RSU1: variants seen among roughly 807,000 people sequenced by gnomAD.
The protein encoded by RSU1 is rsu-1.
A neutral mutation model predicts 31.1 loss-of-function variants in RSU1; 26 were observed. The observed-to-expected ratio is 0.84, with a 90% CI of 0.61 to 1.16. The LOEUF is 1.16. RSU1 is among the 50% of genes most tolerant of loss of function. The pLI, the probability that RSU1 is intolerant of heterozygous loss-of-function variation, is 0.00. For synonymous variants in RSU1, 164 were observed against 136.3 expected, an observed-to-expected ratio of 1.20 and a Z score of -1.41; for missense variants, 320 against 339.1, an observed-to-expected ratio of 0.94 and a Z score of 0.44.
At chr10:16,636,019 GT>G (rs1834338752) in intron 8 of RSU1, among the ~76,000 whole-genome samples, 1 of 152,192 alleles carries the variant, frequency 6.6e-6, no homozygotes, top group Admixed American at 6.5e-5. Context: ...CTCCTCCTCA[GT>G]TTCCTGTGCT....
At chr10:16,739,505 C>G (rs1836710554) in intron 7 of RSU1, among the ~76,000 whole-genome samples, 1 of 122,126 alleles carries the variant, frequency 8.2e-6, no homozygotes, top group Non-Finnish European at 1.6e-5. Flanking sequence ...GAGTCTCGCT[C>G]TGTCGCCCAG....
intron 8 of RSU1, among the ~76,000 whole-genome samples, chr10:16,613,580 G>C (rs1179507347): frequency 6.6e-6 from 1 of 152,160 alleles, no homozygotes; most frequent in Admixed American, 6.5e-5. Context: ...AAATGACACT[G>C]GCAGACATCA....
intron 8 of RSU1, among the ~76,000 whole-genome samples, chr10:16,645,921 TG>T (rs1834542984): frequency 7.7e-5 from 2 of 26,024 alleles, no homozygotes; most frequent in African/African-American, 2.9e-4. Flanking sequence ...TATATATATG[TG>T]TATATACACA....
chr10:16,733,469 C>T (rs11812320), intron 7 of RSU1, among the ~76,000 whole-genome samples: 17,643 of 151,948 alleles, frequency 0.12, 2,532 homozygotes, highest in African/African-American at 0.34. Flanking sequence ...CATCACACCA[C>T]TGCACTCCAG....
chr10:16,624,961 T>C (rs1434817265), intron 8 of RSU1, among the ~76,000 whole-genome samples: 1 of 152,194 alleles, frequency 6.6e-6, no homozygotes, highest in African/African-American at 2.4e-5. Context: ...AACTCTAAAA[T>C]AAAGACCCAC....
At chr10:16,769,316 A>C (rs568627037) in intron 3 of RSU1, among the ~76,000 whole-genome samples, 1 of 152,388 alleles carries the variant, frequency 6.6e-6, no homozygotes, top group Non-Finnish European at 1.5e-5. Flanking sequence ...CACTAGTTAT[A>C]TGCAGCTGTT....
chr10:16,770,819 C>A (rs749308786), intron 3 of RSU1, among the ~76,000 whole-genome samples: 2 of 152,258 alleles, frequency 1.3e-5, no homozygotes, highest in Non-Finnish European at 2.9e-5. Flanking sequence ...GGCAACGCTA[C>A]TGTCTCGTGC....
intron 2 of RSU1, 105 bp from the exon 3 acceptor site, chr10:16,782,189 T>G (rs1355960867): frequency 4.8e-6 from 4 of 829,056 alleles, no homozygotes; most frequent in Non-Finnish European, 7.8e-6. Context: ...TTTCACAGGT[T>G]GAAGCACTAT....
chr10:16,737,228 G>A (rs1415284202), intron 7 of RSU1, among the ~76,000 whole-genome samples: 1 of 151,784 alleles, frequency 6.6e-6, no homozygotes, highest in African/African-American at 2.4e-5. Context: ...TTTAAAAAAT[G>A]GCTGAAAATT....
At chr10:16,757,317 A>G (rs1239805375) in intron 4 of RSU1, among the ~76,000 whole-genome samples, 1 of 152,138 alleles carries the variant, frequency 6.6e-6, no homozygotes, top group Non-Finnish European at 1.5e-5. Flanking sequence ...AAATCATTCT[A>G]GCCATCGATC....
At chr10:16,638,354 C>T (rs1355132705) in intron 8 of RSU1, among the ~76,000 whole-genome samples, 1 of 152,142 alleles carries the variant, frequency 6.6e-6, no homozygotes, top group Non-Finnish European at 1.5e-5. Context: ...TTACGCAGAT[C>T]ATCCCCGCCA....
intron 8 of RSU1, among the ~76,000 whole-genome samples, chr10:16,645,931 CATATGTGTAT>C (rs1564298315): frequency 5.1e-4 from 8 of 15,618 alleles, no homozygotes; most frequent in East Asian, 1.0e-3. Context: ...TGTATATACA[CATATGTGTAT>C]ATATATGTGT....
At chr10:16,772,641 G>GAAAAAAAAAAAAAA (rs60460081) in intron 3 of RSU1, among the ~76,000 whole-genome samples, 57 of 64,614 alleles carry the variant, frequency 8.8e-4, no homozygotes, top group African/African-American at 1.1e-3. Context: ...AGTAGAATAT[G>GAAAAAAAAAAAAAA]AAAAAAAAAA....
At chr10:16,690,273 C>G (rs1361390080) in intron 8 of RSU1, among the ~76,000 whole-genome samples, 1 of 152,130 alleles carries the variant, frequency 6.6e-6, no homozygotes, top group Non-Finnish European at 1.5e-5. Context: ...TATAACTCAG[C>G]GACAGTTTAA....
rs558255494 is a variant in RSU1 at position 16,750,524 on chromosome 10, T to A, written c.598+2015A>T. ...TGAGTAAGATTTTAAAATATATACA[T>A]AGGCATGCGTAGGTTCAACTAGACA... On this transcript the variant is annotated intron_variant, in intron 7 of 8. Coordinates refer to ENST00000345264, the MANE Select transcript of RSU1 (RefSeq NM_012425.4). Among the ~76,000 whole-genome samples the A allele has an allele frequency of 4.6e-5, 7 of 152,322 alleles. No homozygotes were observed. In the East Asian group the frequency reaches 1.4e-3, roughly 29 times the overall value.
chr10:16,690,423 C>A (rs899732327), intron 8 of RSU1, among the ~76,000 whole-genome samples: 1 of 152,136 alleles, frequency 6.6e-6, no homozygotes, highest in African/African-American at 2.4e-5. Context: ...CAGCTTCCAC[C>A]TGAGACATGA....
At chr10:16,799,237 G>T (rs1466710526) in intron 2 of RSU1, among the ~76,000 whole-genome samples, 1 of 152,186 alleles carries the variant, frequency 6.6e-6, no homozygotes, top group Non-Finnish European at 1.5e-5. Context: ...TTTCTGGTTA[G>T]CAAATAGAGA....
At chr10:16,719,181 G>A (rs994143235) in intron 7 of RSU1, among the ~76,000 whole-genome samples, 5 of 151,944 alleles carry the variant, frequency 3.3e-5, no homozygotes, top group Non-Finnish European at 5.9e-5. Flanking sequence ...GGTGGCGCAT[G>A]CCTCTAGTCC....
At chr10:16,762,229 C>T (rs921397279) in intron 4 of RSU1, among the ~76,000 whole-genome samples, 1 of 151,974 alleles carries the variant, frequency 6.6e-6, no homozygotes, top group Non-Finnish European at 1.5e-5. Context: ...ATGATGATAA[C>T]AATAGCTAAC....
Sources: allele counts gnomAD v4.1 joint callset (sites outside exome capture counted in the v4.1 genomes callset), GRCh38; gene constraint gnomAD v4.1.1; transcripts MANE v1.5; gene names NCBI Gene and HGNC (gene_info 2026-07-23, HGNC 2026-07-21).